ARFGEF2: variants seen among roughly 807,000 people sequenced by gnomAD.
ARFGEF2 encodes brefeldin A-inhibited guanine nucleotide-exchange protein 2.
Under a neutral mutation model 219.9 loss-of-function variants are expected in ARFGEF2, and 74 were observed. The ratio of observed to expected loss-of-function variants is 0.34; its 90% CI spans 0.28 to 0.41. The LOEUF is 0.41. ARFGEF2 is among the 10% of genes least tolerant of loss of function. The pLI is 1.00. For missense variants in ARFGEF2, 1,743 were observed against 2,218.3 expected (o/e 0.79, Z 4.30); for synonymous variants, 733 against 799.2 (o/e 0.92, Z 1.40).
intron 13 of ARFGEF2, among the ~76,000 whole-genome samples, chr20:48,975,122 T>A (rs540789862): frequency 6.6e-6 from 1 of 152,200 alleles, no homozygotes; most frequent in Non-Finnish European, 1.5e-5. Context: ...ATTCCCTCAC[T>A]GATTCAAAGC....
At chr20:48,944,828 A>G (rs1442633765) in intron 3 of ARFGEF2, among the ~76,000 whole-genome samples, 2 of 152,134 alleles carry the variant, frequency 1.3e-5, no homozygotes, top group African/African-American at 4.8e-5. Context: ...GCTTTGGCCC[A>G]TGAGCCAAAT....
At chr20:48,998,004 C>T (rs2123481191) in intron 23 of ARFGEF2, 189 bp from the exon 24 acceptor site, 2 of 585,848 alleles carry the variant, frequency 3.4e-6, no homozygotes, top group Non-Finnish European at 6.2e-6. Flanking sequence ...ATTACAGGTG[C>T]CCGCCACCAC....
intron 3 of ARFGEF2, 48 bp from the exon 4 acceptor site, chr20:48,951,275 A>C: frequency 6.2e-7 from 1 of 1,609,374 alleles, no homozygotes; most frequent in Non-Finnish European, 8.5e-7. Context: ...GGAAGGCCTC[A>C]GTCCTAGCCA....
intron 3 of ARFGEF2, among the ~76,000 whole-genome samples, chr20:48,950,226 A>G (rs966432031): frequency 1.3e-5 from 2 of 152,084 alleles, no homozygotes; most frequent in African/African-American, 2.4e-5. Context: ...ACACACTACT[A>G]TTGATGTAGG....
At position 48,989,135 on chromosome 20, in the gene ARFGEF2, G is replaced by A. The variant is rs1016358744; in HGVS notation, c.2534-150G>A. On this transcript the variant is annotated intron_variant, in intron 18 of 38. Transcript: ENST00000371917. ...CCCCTCTGCCTCATTTTTCCCATCT[G>A]TAAAATGGTAATAATAATATTTGTA... 7.4e-6 allele frequency: 7 copies of A among 948,616 alleles called. No homozygotes were observed. In the African/African-American group the frequency reaches 1.1e-4, roughly 15 times the overall value. 58.8% of individuals were successfully genotyped at this position (948,616 alleles called of 1,614,324 possible). A position where few individuals can be genotyped will look rare whatever the true frequency, so the allele number is the denominator to read the frequency against.
chr20:49,023,045 A>C lies in ARFGEF2; in HGVS notation c.4625-6A>C. The C allele has an allele frequency of 6.2e-7, 1 of 1,614,164 alleles. No homozygotes were observed. Among genetic ancestry groups the C allele is most frequent in the Middle Eastern group, 1.7e-4 (1 of 6,060 alleles). ...TATTAGGGTTAATCTTTATCATCTA[A>C]CATAGATCAGAAACTGTTTGCCAGC... is the stretch of plus-strand genomic sequence containing the variant. On this transcript the variant is annotated splice_region_variant and splice_polypyrimidine_tract_variant and intron_variant, in intron 34 of 38. Transcript: ENST00000371917.
At chr20:48,976,525 A>G (rs1000606815) in intron 14 of ARFGEF2, among the ~76,000 whole-genome samples, 2 of 152,126 alleles carry the variant, frequency 1.3e-5, no homozygotes, top group Non-Finnish European at 2.9e-5. Context: ...ACTGCCTGAG[A>G]TGGCCCGGCG....
chr20:48,926,429 CA>C (rs2090877236), intron 1 of ARFGEF2, among the ~76,000 whole-genome samples: 1 of 151,776 alleles, frequency 6.6e-6, no homozygotes, highest in Non-Finnish European at 1.5e-5. Context: ...GCTGGTTACA[CA>C]TAAGTTTCAT....
In ARFGEF2 at chr20:48,953,786, G is replaced by C. The variant is rs370588776; in HGVS notation, c.834G>C (p.Leu278=). 9.9e-6 allele frequency: 16 copies of C among 1,613,734 alleles called. No individual in the cohort carries two copies. In the African/African-American group the frequency reaches 1.9e-4, roughly 19 times the overall value. The change falls in exon 6 of 39, where the codon CTG becomes CTC. Residue 278 remains leucine (L), a synonymous_variant. Transcript: ENST00000371917. ...GDAPRERGSS[L]SGTDDGAQEV... is the part of the protein sequence containing the mutation. ...CACCCAGAGAAAGAGGCTCATCACT[G>C]TCAGGTACGGGCTGATACGGTATGG...
chr20:49,004,617 A>G (rs1426958490), intron 25 of ARFGEF2, among the ~76,000 whole-genome samples: 2 of 151,862 alleles, frequency 1.3e-5, no homozygotes, highest in Admixed American at 6.6e-5. Context: ...CTTGGCCAAC[A>G]TGGTGAAACC....
At chr20:48,984,970 C>T in intron 15 of ARFGEF2, 130 bp downstream of exon 15, 1 of 1,517,936 alleles carries the variant, frequency 6.6e-7, no homozygotes, top group Admixed American at 1.9e-5. Flanking sequence ...TATACATTGT[C>T]TATTGTCCAC....
intron 37 of ARFGEF2, among the ~76,000 whole-genome samples, chr20:49,030,398 G>A (rs1384630194): frequency 6.7e-6 from 1 of 148,162 alleles, no homozygotes; most frequent in Non-Finnish European, 1.5e-5. Flanking sequence ...GGGCTTACGA[G>A]CTCTTCCTGC....
chr20:48,929,335 C>T (rs186473315), intron 1 of ARFGEF2, among the ~76,000 whole-genome samples: 42 of 152,294 alleles, frequency 2.8e-4, no homozygotes, highest in Admixed American at 2.1e-3. Context: ...GTTTTCCTTC[C>T]GTCCTAGGGA....
chr20:48,993,262 G>A (rs753235476), intron 21 of ARFGEF2, among the ~76,000 whole-genome samples: 15 of 152,124 alleles, frequency 9.9e-5, no homozygotes, highest in African/African-American at 3.4e-4. Context: ...CTACCTCTGC[G>A]GTTGTCAGAA....
intron 1 of ARFGEF2, among the ~76,000 whole-genome samples, chr20:48,936,145 C>T (rs539097355): frequency 3.8e-4 from 53 of 139,844 alleles, no homozygotes; most frequent in Non-Finnish European, 7.6e-4. Context: ...ACCTCCCTCC[C>T]GGACGGGGCG....
chr20:49,007,700 A>G (rs955762970), intron 26 of ARFGEF2, among the ~76,000 whole-genome samples: 1 of 149,900 alleles, frequency 6.7e-6, no homozygotes, highest in African/African-American at 2.5e-5. Flanking sequence ...TTTCCTTGAC[A>G]TGTCTCTCTT....
intron 8 of ARFGEF2, among the ~76,000 whole-genome samples, chr20:48,968,145 C>G (rs1383484204): frequency 1.3e-5 from 2 of 151,938 alleles, no homozygotes; most frequent in East Asian, 2.0e-4. Flanking sequence ...AGGTGCCCAC[C>G]ACCACGCCTG....
chr20:49,016,225 G>A, intron 30 of ARFGEF2, 55 bp from the exon 31 acceptor site: 1 of 1,599,568 alleles, frequency 6.3e-7, no homozygotes, highest in South Asian at 1.1e-5. Flanking sequence ...GTACAAGAAT[G>A]CCCATCTCAC....
At position 49,005,870 on chromosome 20, in the gene ARFGEF2, T is replaced by C. The variant is rs191404188; in HGVS notation, c.3584+649T>C. 3.1e-3 allele frequency among the ~76,000 whole-genome samples: 468 copies of C among 152,124 alleles called. 3 individuals are homozygous for C. The highest frequency in any genetic ancestry group is 0.011 in the African/African-American group (436 of 41,488). ...GATAAGAATTATGTGACCCATCACT[T>C]CTCCCCCAGGGAGGTCATAAAAGAG... On this transcript the variant is annotated intron_variant, in intron 26 of 38. Transcript: ENST00000371917.
Sources: gnomAD v4.1 joint callset for allele counts (sites outside exome capture counted in the v4.1 genomes callset) on GRCh38, gnomAD v4.1.1 for gene constraint, MANE v1.5 for transcripts, NCBI Gene and HGNC (gene_info 2026-07-23, HGNC 2026-07-21) for gene names.